CLMN: variants seen among roughly 807,000 people sequenced by gnomAD.
CLMN encodes the protein calmin.
CLMN carries 57 observed loss-of-function variants against 92.7 expected under a neutral mutation model. The observed-to-expected ratio is 0.61, with a 90% CI of 0.50 to 0.77. CLMN has a LOEUF of 0.77. Ranked by LOEUF, CLMN falls within the 30% of genes least tolerant of loss-of-function variation. CLMN has a pLI of 0.00. For missense variants in CLMN, 1,158 were observed against 1,237.5 expected (o/e 0.94, Z 0.96); for synonymous variants, 466 against 470.6 (o/e 0.99, Z 0.13).
chr14:95,193,688 T>C (rs181189455), intron 12 of CLMN, among the ~76,000 whole-genome samples, 161 bp downstream of exon 12: 1 of 152,368 alleles, frequency 6.6e-6, no homozygotes, highest in East Asian at 1.9e-4. Context: ...ATATTCAATT[T>C]ACATCATTTT....
intron 1 of CLMN, among the ~76,000 whole-genome samples, chr14:95,291,542 G>A (rs1365108018): frequency 6.6e-6 from 1 of 152,220 alleles, no homozygotes; most frequent in African/African-American, 2.4e-5. Context: ...CCAAGCCCAG[G>A]TGAAAGCTCC....
chr14:95,318,158 T>C (rs1304178730), intron 1 of CLMN, among the ~76,000 whole-genome samples: 2 of 152,208 alleles, frequency 1.3e-5, no homozygotes, highest in Non-Finnish European at 2.9e-5. Flanking sequence ...TTGGTTAGTA[T>C]GTGCTTATTA....
chr14:95,257,790 A>G, intron 1 of CLMN, among the ~76,000 whole-genome samples: 1 of 152,208 alleles, frequency 6.6e-6, no homozygotes. Flanking sequence ...GGACTGACTT[A>G]GAGGACGCAG....
At chr14:95,193,993 A>G in intron 11 of CLMN, 74 bp from the exon 12 acceptor site, 1 of 1,582,362 alleles carries the variant, frequency 6.3e-7, no homozygotes, top group Non-Finnish European at 8.6e-7. Flanking sequence ...CAGAAGATAA[A>G]ACGATTTTAA....
chr14:95,263,578 T>C (rs1261552386), intron 1 of CLMN, among the ~76,000 whole-genome samples: 1 of 152,156 alleles, frequency 6.6e-6, no homozygotes, highest in Non-Finnish European at 1.5e-5. Context: ...CCACTTCACC[T>C]CAATGCAGGA....
intron 1 of CLMN, among the ~76,000 whole-genome samples, chr14:95,262,183 T>A (rs896156689): frequency 1.1e-4 from 16 of 152,188 alleles, no homozygotes; most frequent in African/African-American, 3.6e-4. Context: ...TTAAAGCTAT[T>A]CTCAGAGCTG....
chr14:95,191,946 T>G lies in CLMN; in HGVS notation c.2841-214A>C. ...CAGCCCCTCGAGCTTTTGCACGTAC[T>G]CCGTTCATCTCCATAACATCAGGTG... is the stretch of plus-strand genomic sequence containing the variant. On this transcript the variant is annotated intron_variant, in intron 12 of 12. Transcript: ENST00000298912. The surrounding 1 kb of genome is among the most constrained non-coding windows in gnomAD (Gnocchi z 5.3). 2 of 459,610 alleles carry G rather than the reference T, an allele frequency of 4.4e-6. No homozygotes were observed. Among genetic ancestry groups the G allele is most frequent in the South Asian group, 7.5e-5 (2 of 26,514 alleles). 28.5% of individuals were successfully genotyped at this position (459,610 alleles called of 1,614,324 possible). A position where few individuals can be genotyped will look rare whatever the true frequency, so the allele number is the denominator to read the frequency against.
Position 95,203,618 on chromosome 14 carries a change from G to T in CLMN, c.1731C>A (p.Ser577Arg), listed in dbSNP as rs751084160. Reference protein sequence around the residue: ...NSDLIDFASTSQAFNKVPSPH... With the variant: ...NSDLIDFASTRQAFNKVPSPH... ...GTGAAGGAACTTTGTTGAAAGCCTG[G>T]CTGGTAGAAGCAAAATCTATTAGGT... Residue 577 changes from serine (S) to arginine (R), a missense_variant, in exon 9 of 13, where the codon AGC (serine) becomes AGA (arginine). Coordinates refer to ENST00000298912, the MANE Select transcript of CLMN (RefSeq NM_024734.4). The T allele has an allele frequency of 6.2e-7, 1 of 1,614,122 alleles. No individual in the cohort carries two copies. The highest frequency in any genetic ancestry group is 8.5e-7 in the Non-Finnish European group (1 of 1,180,010).
chr14:95,210,239 A>G (rs1442568426), intron 7 of CLMN, among the ~76,000 whole-genome samples: 1 of 151,602 alleles, frequency 6.6e-6, no homozygotes, highest in Non-Finnish European at 1.5e-5. Context: ...ATTAGTGGAG[A>G]TGGGGTTTCA....
intron 4 of CLMN, among the ~76,000 whole-genome samples, chr14:95,218,741 G>A (rs1897432553): frequency 6.6e-6 from 1 of 152,190 alleles, no homozygotes; most frequent in Non-Finnish European, 1.5e-5. Flanking sequence ...CTGGTAAATG[G>A]GGCCCAGTGG....
chr14:95,255,362 T>G (rs1162483224), intron 1 of CLMN, among the ~76,000 whole-genome samples: 3 of 152,202 alleles, frequency 2.0e-5, no homozygotes, highest in African/African-American at 4.8e-5. Flanking sequence ...CAAGAAGATG[T>G]TCTGAGAGAG....
rs1896610176 is a variant in CLMN, at chr14:95,193,421, G to A, written c.2840+428C>T. 5.3e-6 allele frequency: 8 copies of A among 1,521,828 alleles called. No individual in the cohort carries two copies. In the African/African-American group the frequency reaches 1.1e-4, roughly 21 times the overall value. 94.3% of individuals were successfully genotyped at this position (1,521,828 alleles called of 1,614,324 possible). On this transcript the variant is annotated intron_variant, in intron 12 of 12. Coordinates refer to ENST00000298912, the MANE Select transcript of CLMN (RefSeq NM_024734.4). ...TAAGCTTCTGAGTACTGTACCTGCA[G>A]TGGCAACAGAGAATGGACAGGCGTC...
intron 1 of CLMN, among the ~76,000 whole-genome samples, chr14:95,313,560 C>A (rs1901633462): frequency 6.6e-6 from 1 of 151,886 alleles, no homozygotes; most frequent in South Asian, 2.1e-4. Flanking sequence ...AGAAAAAGTC[C>A]ATTTTTTGAT....
At chr14:95,215,214 A>T (rs970817783) in intron 5 of CLMN, among the ~76,000 whole-genome samples, 4 of 152,244 alleles carry the variant, frequency 2.6e-5, no homozygotes, top group African/African-American at 9.6e-5. Context: ...TGCAAAGAAC[A>T]GAACAATAAG....
intron 1 of CLMN, among the ~76,000 whole-genome samples, chr14:95,288,245 C>T (rs1347372500): frequency 1.3e-5 from 2 of 152,162 alleles, no homozygotes; most frequent in Non-Finnish European, 2.9e-5. Flanking sequence ...AGCTGCAAAC[C>T]AGAGTTGCAA....
intron 3 of CLMN, among the ~76,000 whole-genome samples, 188 bp downstream of exon 3, chr14:95,223,572 A>G (rs1038117058): frequency 6.6e-6 from 1 of 152,126 alleles, no homozygotes; most frequent in Non-Finnish European, 1.5e-5. Flanking sequence ...TCTAAAATAC[A>G]TTGGCTTAAA....
chr14:95,227,505 CCT>C (rs1202395120), intron 2 of CLMN, among the ~76,000 whole-genome samples: 21 of 152,306 alleles, frequency 1.4e-4, no homozygotes, highest in Admixed American at 9.1e-4. Context: ...CGGAATACCC[CCT>C]GATAAATGGA....
At chr14:95,272,212 G>A (rs1482143613) in intron 1 of CLMN, among the ~76,000 whole-genome samples, 1 of 152,194 alleles carries the variant, frequency 6.6e-6, no homozygotes, top group African/African-American at 2.4e-5. Context: ...GGCTGGAGCA[G>A]GCTCTGGAGA....
At chr14:95,210,587 C>T (rs1454422733) in intron 7 of CLMN, 99 bp downstream of exon 7, 40 of 1,252,858 alleles carry the variant, frequency 3.2e-5, no homozygotes, top group Non-Finnish European at 4.4e-5. Flanking sequence ...AAATCTTCTT[C>T]ATTAGATTTT....
Sources: gnomAD v4.1 joint callset for allele counts (sites outside exome capture counted in the v4.1 genomes callset) on GRCh38, gnomAD v4.1.1 for gene constraint, Gnocchi (gnomAD v3.1) non-coding constraint, MANE v1.5 for transcripts, NCBI Gene and HGNC (gene_info 2026-07-23, HGNC 2026-07-21) for gene names.